DOCK3: variants seen among roughly 807,000 people sequenced by gnomAD.
DOCK3 encodes the protein dedicator of cytokinesis protein 3.
Under a neutral mutation model 265.6 loss-of-function variants are expected in DOCK3, and 60 were observed. The observed-to-expected ratio is 0.23, with a 90% CI of 0.18 to 0.28. The LOEUF is 0.28. Among genes scored for constraint, DOCK3 ranks in the 10% least tolerant of loss-of-function variants. The pLI, the probability that DOCK3 is intolerant of heterozygous loss-of-function variation, is 1.00. For synonymous variants in DOCK3, 881 were observed against 938.0 expected (o/e 0.94, Z 1.11); for missense variants, 1,981 against 2,594.3 (o/e 0.76, Z 5.14).
At chr3:51,000,714 G>A (rs530210504) in intron 5 of DOCK3, among the ~76,000 whole-genome samples, 17 of 152,074 alleles carry the variant, frequency 1.1e-4, no homozygotes, top group Admixed American at 3.3e-4. Context: ...GTGTAGTGGC[G>A]CGATCTTGGC....
At chr3:51,262,720 C>T (rs550694268) in intron 23 of DOCK3, among the ~76,000 whole-genome samples, 1 of 152,210 alleles carries the variant, frequency 6.6e-6, no homozygotes, top group South Asian at 2.1e-4. Flanking sequence ...TAGAGAAGAA[C>T]ATAAATGACC....
At chr3:50,818,656 G>A (rs11921011) in intron 2 of DOCK3, among the ~76,000 whole-genome samples, 128,615 of 152,224 alleles carry the variant, frequency 0.84, 54,776 homozygotes, top group East Asian at 0.95. Flanking sequence ...CTGAGCTGTT[G>A]GCTTCACTGG....
intron 5 of DOCK3, among the ~76,000 whole-genome samples, chr3:51,049,481 A>G (rs1055162291): frequency 6.6e-6 from 1 of 152,130 alleles, no homozygotes; most frequent in African/African-American, 2.4e-5. Context: ...TTAAATGGCT[A>G]GCTAACTTTA....
intron 27 of DOCK3, among the ~76,000 whole-genome samples, chr3:51,284,633 G>A (rs915813109): frequency 6.6e-6 from 1 of 152,196 alleles, no homozygotes; most frequent in East Asian, 1.9e-4. Flanking sequence ...TTTATGGCTT[G>A]GCTTATATTG....
intron 3 of DOCK3, among the ~76,000 whole-genome samples, chr3:50,848,217 T>C (rs993643838): frequency 2.6e-5 from 4 of 152,190 alleles, no homozygotes; most frequent in Admixed American, 1.3e-4. Flanking sequence ...CTCCTGAAGA[T>C]GGCAGACAGA....
intron 9 of DOCK3, among the ~76,000 whole-genome samples, chr3:51,118,467 A>G (rs957707129): frequency 6.6e-6 from 1 of 152,168 alleles, no homozygotes; most frequent in Non-Finnish European, 1.5e-5. Flanking sequence ...GTCTATGTCT[A>G]TTAGGTTTGC....
intron 19 of DOCK3, among the ~76,000 whole-genome samples, chr3:51,233,933 C>T (rs2078247833): frequency 6.6e-6 from 1 of 152,180 alleles, no homozygotes; most frequent in African/African-American, 2.4e-5. Flanking sequence ...CATGGAAGTG[C>T]AGACCTCTCC....
intron 51 of DOCK3, chr3:51,379,676 C>T (rs1357260500): frequency 1.0e-6 from 1 of 975,510 alleles, no homozygotes; most frequent in Non-Finnish European, 1.2e-6. Context: ...ATTCTCTGGG[C>T]CGACTCAGCC....
At chr3:50,838,007 G>A (rs921603831) in intron 2 of DOCK3, among the ~76,000 whole-genome samples, 2 of 152,184 alleles carry the variant, frequency 1.3e-5, no homozygotes, top group Non-Finnish European at 2.9e-5. Flanking sequence ...AGAGCTTAGA[G>A]CAGAGGAGTA....
chr3:51,204,710 T>C lies in DOCK3; in HGVS notation c.1038-4064T>C, dbSNP rs1476047681. Among the ~76,000 whole-genome samples, 4 of 149,266 alleles carry C rather than the reference T, an allele frequency of 2.7e-5. No individual in the cohort carries two copies. In the East Asian group the frequency reaches 8.1e-4, roughly 30 times the overall value. On this transcript the variant is annotated intron_variant, in intron 12 of 52. Coordinates refer to ENST00000266037, the MANE Select transcript of DOCK3 (RefSeq NM_004947.5). ...TAAATCATGCTGCTATAAAGACACA[T>C]GCACATGTATGTTTATTGCGGCACT...
chr3:50,932,250 A>G (rs1469099183), intron 4 of DOCK3, among the ~76,000 whole-genome samples: 1 of 152,270 alleles, frequency 6.6e-6, no homozygotes, highest in Non-Finnish European at 1.5e-5. Flanking sequence ...ACTGTAAGAC[A>G]TAATCAGATA....
intron 2 of DOCK3, among the ~76,000 whole-genome samples, chr3:50,822,172 AT>A (rs1437193212): frequency 6.6e-6 from 1 of 151,966 alleles, no homozygotes; most frequent in Non-Finnish European, 1.5e-5. Context: ...GTCATCTCTG[AT>A]TTCTTTCAGC....
intron 23 of DOCK3, among the ~76,000 whole-genome samples, chr3:51,264,352 A>T (rs143959569): frequency 2.6e-5 from 4 of 152,176 alleles, no homozygotes; most frequent in Non-Finnish European, 5.9e-5. Context: ...TTTGAAACCA[A>T]TGAGAACAAA....
At chr3:50,979,100 C>T (rs1041570947) in intron 5 of DOCK3, among the ~76,000 whole-genome samples, 4 of 152,168 alleles carry the variant, frequency 2.6e-5, no homozygotes, top group African/African-American at 7.2e-5. Flanking sequence ...AGAAATCACC[C>T]GTCTTCTGCG....
chr3:50,755,824 A>G (rs188452786), intron 1 of DOCK3, among the ~76,000 whole-genome samples: 131 of 152,314 alleles, frequency 8.6e-4, no homozygotes, highest in African/African-American at 2.9e-3. Flanking sequence ...CATCTGTGTT[A>G]TAGCATGTAT....
chr3:51,323,261 T>C (rs771310555), intron 32 of DOCK3, among the ~76,000 whole-genome samples: 1 of 151,146 alleles, frequency 6.6e-6, no homozygotes, highest in Non-Finnish European at 1.5e-5. Flanking sequence ...ATAGTGGGAG[T>C]CTTTAACACC....
chr3:50,684,669 C>T (rs1016540906), intron 1 of DOCK3, among the ~76,000 whole-genome samples: 2 of 152,150 alleles, frequency 1.3e-5, no homozygotes, highest in Non-Finnish European at 2.9e-5. Context: ...GAACTTATCC[C>T]GACAATACTT....
intron 35 of DOCK3, 85 bp downstream of exon 35, chr3:51,333,338 C>G: frequency 7.6e-7 from 1 of 1,318,480 alleles, no homozygotes; most frequent in Admixed American, 1.7e-5. Flanking sequence ...AAAACTGAGA[C>G]CATGTGCTCT....
intron 3 of DOCK3, among the ~76,000 whole-genome samples, chr3:50,882,951 G>A (rs974362771): frequency 5.9e-5 from 9 of 152,180 alleles, no homozygotes; most frequent in African/African-American, 2.2e-4. Context: ...AAAAGGATGA[G>A]TTCATGTCCT....
Sources: gnomAD v4.1 joint callset for allele counts (sites outside exome capture counted in the v4.1 genomes callset) on GRCh38, gnomAD v4.1.1 for gene constraint, MANE v1.5 for transcripts, NCBI Gene and HGNC (gene_info 2026-07-23, HGNC 2026-07-21) for gene names.